The following SPAG16 variants were observed in gnomAD, a reference collection of about 807,000 sequenced individuals.
SPAG16 encodes the protein sperm-associated antigen 16 protein.
In SPAG16, 86 loss-of-function variants were observed where a neutral mutation model predicts 80.4. That is an observed-to-expected ratio of 1.07 (90% CI 0.90 to 1.28). The LOEUF is 1.28. Among genes scored for constraint, SPAG16 ranks in the 50% most tolerant of loss-of-function variants. The probability of loss-of-function intolerance (pLI) is 0.00; values close to 1 mark genes in which losing one functional copy is unlikely to be tolerated. For synonymous variants in SPAG16, 294 were observed against 265.9 expected (o/e 1.11, Z -1.03); for missense variants, 870 against 765.3 (o/e 1.14, Z -1.61).
intron 10 of SPAG16, among the ~76,000 whole-genome samples, chr2:213,851,613 A>C (rs767272076): frequency 6.6e-6 from 1 of 152,222 alleles, no homozygotes; most frequent in Non-Finnish European, 1.5e-5. Flanking sequence ...AAGTCACTAC[A>C]TAAGGCCTTT....
intron 9 of SPAG16, among the ~76,000 whole-genome samples, chr2:213,420,889 A>C (rs2069542900): frequency 6.6e-6 from 1 of 152,194 alleles, no homozygotes. Flanking sequence ...CTTGTTTGGT[A>C]TGTGGATGGG....
intron 9 of SPAG16, among the ~76,000 whole-genome samples, chr2:213,421,650 C>T (rs751733759): frequency 3.9e-4 from 60 of 152,232 alleles, no homozygotes; most frequent in Non-Finnish European, 2.4e-4. Flanking sequence ...AAGGACCAAT[C>T]AGCACGTATT....
chr2:213,740,922 A>C (rs548274646), intron 10 of SPAG16, among the ~76,000 whole-genome samples: 2 of 152,338 alleles, frequency 1.3e-5, no homozygotes, highest in African/African-American at 4.8e-5. Context: ...AAACAGATTA[A>C]AACAGAAATT....
chr2:213,592,065 T>C (rs2060711905), intron 10 of SPAG16, among the ~76,000 whole-genome samples: 1 of 152,240 alleles, frequency 6.6e-6, no homozygotes, highest in Non-Finnish European at 1.5e-5. Flanking sequence ...ATCTCAATTA[T>C]GTTTGAAATT....
chr2:213,475,168 A>G (rs577576350), intron 9 of SPAG16, among the ~76,000 whole-genome samples: 1 of 152,236 alleles, frequency 6.6e-6, no homozygotes, highest in Admixed American at 6.5e-5. Context: ...GGAGAGTTCA[A>G]ATACTTGGGT....
At chr2:214,287,122 T>G (rs1693422099) in intron 15 of SPAG16, among the ~76,000 whole-genome samples, 1 of 152,234 alleles carries the variant, frequency 6.6e-6, no homozygotes. Flanking sequence ...CCTTTCCTCC[T>G]TGCATATTTA....
chr2:213,702,247 A>T (rs980455114), intron 10 of SPAG16, among the ~76,000 whole-genome samples: 5 of 152,230 alleles, frequency 3.3e-5, no homozygotes, highest in African/African-American at 1.2e-4. Context: ...AAATGGACCA[A>T]TCAGCAGGAT....
chr2:213,371,548 C>G (rs1245925225), intron 8 of SPAG16, among the ~76,000 whole-genome samples: 1 of 152,106 alleles, frequency 6.6e-6, no homozygotes, highest in Non-Finnish European at 1.5e-5. Flanking sequence ...TTCCCTCTCT[C>G]TCTCATTTAC....
intron 10 of SPAG16, among the ~76,000 whole-genome samples, chr2:213,851,975 A>G (rs1339457932): frequency 6.6e-6 from 1 of 152,244 alleles, no homozygotes; most frequent in East Asian, 1.9e-4. Flanking sequence ...TTAAGATTTC[A>G]TCTTTTTCAC....
At chr2:213,647,958 G>C (rs891251428) in intron 10 of SPAG16, among the ~76,000 whole-genome samples, 4 of 152,148 alleles carry the variant, frequency 2.6e-5, no homozygotes, top group African/African-American at 9.7e-5. Context: ...TGATAGCAAA[G>C]TGTAGCCAGG....
chr2:213,527,293 C>A (rs62192349), intron 10 of SPAG16, among the ~76,000 whole-genome samples: 2 of 152,144 alleles, frequency 1.3e-5, no homozygotes, highest in African/African-American at 4.8e-5. Flanking sequence ...GTGAGTGTTA[C>A]CCCTACAAGC....
At chr2:213,481,529 C>A (rs2073748356) in intron 9 of SPAG16, among the ~76,000 whole-genome samples, 1 of 152,150 alleles carries the variant, frequency 6.6e-6, no homozygotes, top group African/African-American at 2.4e-5. Context: ...TTAGTAGCTA[C>A]CCATAAGCAA....
intron 9 of SPAG16, among the ~76,000 whole-genome samples, chr2:213,464,296 C>T (rs1249472351): frequency 6.6e-6 from 1 of 152,156 alleles, no homozygotes; most frequent in South Asian, 2.1e-4. Context: ...GGAGATGAGT[C>T]TCTTAAGAAA....
Position 213,793,568 on chromosome 2 carries a change from A to C in SPAG16, c.1071-68917A>C, listed in dbSNP as rs747900757. On this transcript the variant is annotated intron_variant, in intron 10 of 15. Transcript: ENST00000331683. ...TGACAACTTTAATATCCTTTGAAAAATACTTATGAAAAACTGACTTCAAGT... is the reference window on the plus strand; with the variant it reads ...TGACAACTTTAATATCCTTTGAAAACTACTTATGAAAAACTGACTTCAAGT... Among the ~76,000 whole-genome samples the C allele has an allele frequency of 2.0e-5, 3 of 152,200 alleles. No individual in the cohort carries two copies. The East Asian group carries it at 5.8e-4, about 29-fold the overall frequency.
intron 2 of SPAG16, 168 bp from the exon 3 acceptor site, chr2:213,297,094 A>G (rs1000764823): frequency 1.4e-6 from 2 of 1,465,592 alleles, no homozygotes; most frequent in Admixed American, 2.1e-5. Context: ...CAAGGAAGTC[A>G]GAAGAAAGCA....
At chr2:213,641,244 C>G (rs1346700857) in intron 10 of SPAG16, among the ~76,000 whole-genome samples, 1 of 152,186 alleles carries the variant, frequency 6.6e-6, no homozygotes, top group Non-Finnish European at 1.5e-5. Context: ...ACAGGCCTCA[C>G]CCAGCTCCCA....
At chr2:213,818,573 G>T (rs1334099778) in intron 10 of SPAG16, among the ~76,000 whole-genome samples, 1 of 151,864 alleles carries the variant, frequency 6.6e-6, no homozygotes, top group Non-Finnish European at 1.5e-5. Flanking sequence ...ATCTATTGTT[G>T]GTTCATTCCA....
chr2:214,067,436 G>A (rs2050582339), intron 13 of SPAG16, among the ~76,000 whole-genome samples: 1 of 152,052 alleles, frequency 6.6e-6, no homozygotes, highest in East Asian at 1.9e-4. Flanking sequence ...TTAGATTTGG[G>A]GAAGAATCAG....
rs148737746 is a variant in SPAG16 at position 214,183,866 on chromosome 2, C to A, written c.1720+34600C>A. Among the ~76,000 whole-genome samples, 1,357 of 152,088 alleles carry A rather than the reference C, an allele frequency of 8.9e-3. 9 individuals are homozygous for A. Among genetic ancestry groups the A allele is most frequent in the Non-Finnish European group, 0.016 (1,066 of 67,966 alleles). On this transcript the variant is annotated intron_variant, in intron 15 of 15. Coordinates refer to ENST00000331683, the MANE Select transcript of SPAG16 (RefSeq NM_024532.5). ...TACCCCATCTGAGATTATAAAGAAG[C>A]AATCACAAGTGGTTGAGGCAAATTT...
Sources: gnomAD v4.1 joint callset for allele counts (sites outside exome capture counted in the v4.1 genomes callset) on GRCh38, gnomAD v4.1.1 for gene constraint, MANE v1.5 for transcripts, NCBI Gene and HGNC (gene_info 2026-07-23, HGNC 2026-07-21) for gene names.